The following DNAJC1 variants were observed in gnomAD, a reference collection of about 807,000 sequenced individuals.
DNAJC1 encodes dnaJ homolog subfamily C member 1.
A neutral mutation model predicts 76.6 loss-of-function variants in DNAJC1; 58 were observed. The observed-to-expected ratio is 0.76, with a 90% CI of 0.61 to 0.94. The LOEUF is 0.94. Among genes scored for constraint, DNAJC1 ranks in the 40% least tolerant of loss-of-function variants. DNAJC1 has a pLI of 0.00. For synonymous variants in DNAJC1, 258 were observed against 267.9 expected (o/e 0.96, Z 0.36); for missense variants, 689 against 677.3 (o/e 1.02, Z -0.19).
rs148330550 is a variant in DNAJC1, at chr10:21,759,646, G to T, written c.1148-28C>A. 614 of 1,599,480 alleles carry T rather than the reference G, an allele frequency of 3.8e-4. 3 individuals are homozygous for T. The highest frequency in any genetic ancestry group is 5.0e-5 in the Non-Finnish European group (59 of 1,171,008). ...AGGAAAGAGGGTGTGCCACACAGAG[G>T]TGAAGGGCAAGGTGAATTAAGGAGA... On this transcript the variant is annotated intron_variant, in intron 10 of 11. Coordinates refer to ENST00000376980, the MANE Select transcript of DNAJC1 (RefSeq NM_022365.4).
chr10:21,827,146 A>G (rs2131664542), intron 8 of DNAJC1, among the ~76,000 whole-genome samples: 1 of 152,276 alleles, frequency 6.6e-6, no homozygotes, highest in Middle Eastern at 3.4e-3. Context: ...GGACGTTTTC[A>G]GTGTTACTTC....
intron 1 of DNAJC1, among the ~76,000 whole-genome samples, chr10:21,929,811 T>C (rs1053755597): frequency 6.6e-6 from 1 of 152,222 alleles, no homozygotes; most frequent in Non-Finnish European, 1.5e-5. Flanking sequence ...GTATTACTTG[T>C]ATAGTTTAAA....
chr10:21,911,332 T>G (rs1836860463), intron 6 of DNAJC1, among the ~76,000 whole-genome samples: 1 of 152,208 alleles, frequency 6.6e-6, no homozygotes, highest in Non-Finnish European at 1.5e-5. Flanking sequence ...TCTGAAAATC[T>G]GCCCACAAAA....
At chr10:21,976,126 A>AT (rs948264274) in intron 1 of DNAJC1, among the ~76,000 whole-genome samples, 17 of 152,110 alleles carry the variant, frequency 1.1e-4, no homozygotes, top group South Asian at 2.1e-4. Context: ...ATACAATAAG[A>AT]TTTTTTTTCA....
intron 9 of DNAJC1, among the ~76,000 whole-genome samples, chr10:21,769,205 C>G (rs1834343164): frequency 6.6e-6 from 1 of 152,274 alleles, no homozygotes; most frequent in East Asian, 1.9e-4. Flanking sequence ...AATGATTAAC[C>G]TAGGTCTCTG....
intron 1 of DNAJC1, among the ~76,000 whole-genome samples, chr10:21,954,907 T>A (rs1465648476): frequency 7.9e-5 from 12 of 152,186 alleles, no homozygotes; most frequent in Admixed American, 7.9e-4. Context: ...ACCCGAGCAG[T>A]GTGCCAGGGT....
At chr10:21,988,356 A>C (rs1838279534) in intron 1 of DNAJC1, among the ~76,000 whole-genome samples, 1 of 152,136 alleles carries the variant, frequency 6.6e-6, no homozygotes, top group Non-Finnish European at 1.5e-5. Flanking sequence ...CTCTTAGATT[A>C]ACAACTCAAT....
chr10:21,836,658 A>ATC (rs1835464025), intron 8 of DNAJC1, among the ~76,000 whole-genome samples: 3 of 152,286 alleles, frequency 2.0e-5, no homozygotes, highest in Admixed American at 1.3e-4. Flanking sequence ...GGAAAACAAA[A>ATC]AAAGGCAGGG....
At chr10:21,853,787 CAAAAAAAAAA>C (rs1011936425) in intron 8 of DNAJC1, among the ~76,000 whole-genome samples, 1 of 12,580 alleles carries the variant, frequency 7.9e-5, no homozygotes, top group African/African-American at 2.2e-4. Flanking sequence ...GACTCCATCT[CAAAAAAAAAA>C]AAAAAAAAAA....
At chr10:21,928,692 G>T in intron 2 of DNAJC1, 140 bp from the exon 3 acceptor site, 1 of 638,638 alleles carries the variant, frequency 1.6e-6, no homozygotes, top group Non-Finnish European at 2.7e-6. Context: ...TCCTTTATAA[G>T]TAACACTATG....
At chr10:21,890,957 A>G (rs924987908) in intron 7 of DNAJC1, among the ~76,000 whole-genome samples, 1 of 152,092 alleles carries the variant, frequency 6.6e-6, no homozygotes, top group Non-Finnish European at 1.5e-5. Context: ...TTGGGAGGCC[A>G]AGGTGGGCAG....
chr10:21,945,034 T>C (rs779469040), intron 1 of DNAJC1, among the ~76,000 whole-genome samples: 6 of 152,146 alleles, frequency 3.9e-5, no homozygotes, highest in South Asian at 2.1e-4. Flanking sequence ...AAACTCAAAG[T>C]AGTAGTTTGT....
chr10:21,866,843 T>C (rs960437719), intron 8 of DNAJC1, among the ~76,000 whole-genome samples: 8 of 152,066 alleles, frequency 5.3e-5, no homozygotes, highest in African/African-American at 1.9e-4. Context: ...ACAATTAAGC[T>C]GGAAATTAAT....
intron 8 of DNAJC1, among the ~76,000 whole-genome samples, chr10:21,851,805 A>G (rs1441287869): frequency 6.6e-6 from 1 of 152,158 alleles, no homozygotes; most frequent in African/African-American, 2.4e-5. Context: ...CTGTAATCCC[A>G]GCACTTTGGG....
intron 1 of DNAJC1, among the ~76,000 whole-genome samples, chr10:21,940,962 GAAC>G (rs368319264): frequency 6.9e-4 from 105 of 151,902 alleles, no homozygotes; most frequent in African/African-American, 2.3e-3. Context: ...TTAAGAGACA[GAAC>G]AACTGGCCAG....
intron 6 of DNAJC1, among the ~76,000 whole-genome samples, chr10:21,913,428 T>C (rs1057035449): frequency 2.6e-5 from 4 of 152,162 alleles, no homozygotes; most frequent in Admixed American, 1.3e-4. Context: ...TATGTGGCAC[T>C]TCCTGATTTT....
At chr10:21,993,349 T>C (rs937697877) in intron 1 of DNAJC1, among the ~76,000 whole-genome samples, 1 of 152,098 alleles carries the variant, frequency 6.6e-6, no homozygotes, top group Admixed American at 6.5e-5. Flanking sequence ...TTACAGAAAA[T>C]TGTATTTGTA....
At chr10:21,843,898 G>GAA (rs1835613255) in intron 8 of DNAJC1, among the ~76,000 whole-genome samples, 3 of 152,180 alleles carry the variant, frequency 2.0e-5, no homozygotes, top group South Asian at 4.1e-4. Context: ...ATCTCACCTT[G>GAA]AATTGTAATA....
intron 9 of DNAJC1, among the ~76,000 whole-genome samples, chr10:21,767,727 C>T (rs759585315): frequency 6.6e-6 from 1 of 152,158 alleles, no homozygotes; most frequent in African/African-American, 2.4e-5. Flanking sequence ...CAGGCACAGT[C>T]GCTCATGCCT....
Sources: allele counts gnomAD v4.1 joint callset (sites outside exome capture counted in the v4.1 genomes callset), GRCh38; gene constraint gnomAD v4.1.1; transcripts MANE v1.5; gene names NCBI Gene and HGNC (gene_info 2026-07-23, HGNC 2026-07-21).